Variants in IQUB observed in about 807,000 individuals in gnomAD.
IQUB encodes the protein IQ motif and ubiquitin domain containing.
Under a neutral mutation model 86.4 loss-of-function variants are expected in IQUB, and 86 were observed. The observed-to-expected ratio is 1.00, with a 90% CI of 0.84 to 1.19. IQUB has a LOEUF of 1.19. Ranked by LOEUF, IQUB falls within the 50% of genes most tolerant of loss-of-function variation. The pLI is 0.00. For synonymous variants in IQUB, 289 were observed against 304.5 expected (o/e 0.95, Z 0.53); for missense variants, 946 against 916.9 (o/e 1.03, Z -0.41).
At chr7:123,507,167 A>C (rs780954247) in intron 3 of IQUB, among the ~76,000 whole-genome samples, 167 of 152,342 alleles carry the variant, frequency 1.1e-3, no homozygotes, top group Non-Finnish European at 1.8e-3. Flanking sequence ...TACAATGATA[A>C]TGGCTCAACT....
chr7:123,461,773 C>T (rs989371041), intron 10 of IQUB, among the ~76,000 whole-genome samples, 168 bp from the exon 11 acceptor site: 12 of 151,340 alleles, frequency 7.9e-5, no homozygotes, highest in African/African-American at 2.7e-4. Context: ...ACTTCTTATC[C>T]TACAGAAAAT....
At chr7:123,471,662 A>G (rs1383095394) in intron 8 of IQUB, among the ~76,000 whole-genome samples, 1 of 152,188 alleles carries the variant, frequency 6.6e-6, no homozygotes, top group Non-Finnish European at 1.5e-5. Flanking sequence ...TAACAAATAT[A>G]GCATAATGTG....
chr7:123,502,275 C>T (rs770756785), intron 6 of IQUB: 8 of 264,154 alleles, frequency 3.0e-5, no homozygotes, highest in South Asian at 6.6e-5. Context: ...CAATTAGTCT[C>T]GAAAGTTCCC....
chr7:123,525,301 G>A (rs1252381385), intron 1 of IQUB, among the ~76,000 whole-genome samples: 1 of 152,018 alleles, frequency 6.6e-6, no homozygotes, highest in African/African-American at 2.4e-5. Context: ...TGTACCTCTG[G>A]TAGAATTCGG....
At chr7:123,512,429 T>C (rs891661251) in intron 1 of IQUB, 85 bp from the exon 2 acceptor site, 8 of 696,142 alleles carry the variant, frequency 1.1e-5, no homozygotes, top group Non-Finnish European at 1.5e-5. Flanking sequence ...TAGAGTAACA[T>C]TCATAATATT....
rs1252145902 is a variant in IQUB, at chr7:123,457,390, A to G, written c.2184T>C (p.Ser728=). ...AATTCAACTTTCTTACCTCTTCAATACTTGTTAGCTTGAGATGAGCAGCTG... is the reference window on the plus strand; with the variant it reads ...AATTCAACTTTCTTACCTCTTCAATGCTTGTTAGCTTGAGATGAGCAGCTG... ...DEAAAHLKLT[S]IEEGYERSFI... Residue 728 remains serine, a synonymous_variant, in exon 12 of 13, where the codon AGT becomes AGC. Transcript: ENST00000324698. 1 of 1,611,032 alleles carries G rather than the reference A, an allele frequency of 6.2e-7. No individual in the cohort carries two copies. The highest frequency in any genetic ancestry group is 1.7e-5 in the Admixed American group (1 of 59,422).
chr7:123,470,093 G>T (rs1794454395), intron 8 of IQUB, among the ~76,000 whole-genome samples: 1 of 152,134 alleles, frequency 6.6e-6, no homozygotes, highest in Non-Finnish European at 1.5e-5. Flanking sequence ...GGACTCCCAG[G>T]CTAAGAATTC....
chr7:123,530,672 ATTTTTT>A (rs377272603), intron 1 of IQUB, among the ~76,000 whole-genome samples: 5 of 99,460 alleles, frequency 5.0e-5, no homozygotes, highest in Middle Eastern at 7.1e-3. Flanking sequence ...TTGCTCTTTG[ATTTTTT>A]TTTTTTTTTT....
intron 1 of IQUB, among the ~76,000 whole-genome samples, chr7:123,528,921 A>T (rs959717114): frequency 6.6e-6 from 1 of 152,238 alleles, no homozygotes; most frequent in African/African-American, 2.4e-5. Flanking sequence ...ACATATGTGT[A>T]AACTCTCACT....
chr7:123,486,449 A>G (rs1795215253), intron 7 of IQUB, among the ~76,000 whole-genome samples: 1 of 152,180 alleles, frequency 6.6e-6, no homozygotes, highest in Non-Finnish European at 1.5e-5. Flanking sequence ...TTATTTTTCT[A>G]TTAAAGAAAT....
At chr7:123,504,374 C>T (rs191934056) in intron 3 of IQUB, among the ~76,000 whole-genome samples, 6 of 152,080 alleles carry the variant, frequency 3.9e-5, no homozygotes, top group East Asian at 1.9e-4. Context: ...TACTTAAACC[C>T]GGGAGGAAGA....
At chr7:123,462,979 A>G (rs1282482386) in intron 10 of IQUB, 3 of 323,472 alleles carry the variant, frequency 9.3e-6, no homozygotes, top group Non-Finnish European at 1.9e-5. Context: ...GTTCCTTCAA[A>G]TTCTTCTCCC....
intron 3 of IQUB, among the ~76,000 whole-genome samples, chr7:123,505,996 T>A (rs1199238868): frequency 6.6e-6 from 1 of 152,194 alleles, no homozygotes; most frequent in African/African-American, 2.4e-5. Flanking sequence ...TTGAATGCTT[T>A]GCTGTTTAGA....
chr7:123,533,943 T>C (rs1432201979), intron 1 of IQUB, among the ~76,000 whole-genome samples: 5 of 152,232 alleles, frequency 3.3e-5, no homozygotes, highest in Non-Finnish European at 7.3e-5. Flanking sequence ...CTACATTTCA[T>C]TCCCTACCAT....
At position 123,525,030 on chromosome 7, in the gene IQUB, C is replaced by T. The variant is rs1429899067; in HGVS notation, c.-5+9462G>A. On this transcript the variant is annotated intron_variant, in intron 1 of 12. Coordinates refer to ENST00000324698, the MANE Select transcript of IQUB (RefSeq NM_178827.5). Reference sequence around the variant, plus strand: ...ATTGATTTGCGTATATTGAACCAGGCTTGTATCCCAGGGATGAAGCCCACT... The same window carrying T: ...ATTGATTTGCGTATATTGAACCAGGTTTGTATCCCAGGGATGAAGCCCACT... 2.6e-5 allele frequency among the ~76,000 whole-genome samples: 4 copies of T among 152,204 alleles called. No individual in the cohort carries two copies. The East Asian group carries it at 7.7e-4, about 29-fold the overall frequency.
In IQUB at chr7:123,498,819, G is replaced by C. The variant is rs562833252; in HGVS notation, c.1024-1913C>G. Among the ~76,000 whole-genome samples, 20 of 152,218 alleles carry C rather than the reference G, an allele frequency of 1.3e-4. No homozygotes were observed. In the East Asian group the frequency reaches 1.4e-3, roughly 10 times the overall value. On this transcript the variant is annotated intron_variant, in intron 6 of 12. Transcript: ENST00000324698. ...TCGCTGTCCAGATCTTAGTTATATG[G>C]CCTCACTGATACACAAGGGAAGTGA...
chr7:123,463,209 T>C (rs531224695), intron 10 of IQUB, among the ~76,000 whole-genome samples: 35 of 151,832 alleles, frequency 2.3e-4, no homozygotes, highest in South Asian at 1.7e-3. Flanking sequence ...CATGGTGCAG[T>C]CAGTTTGGAA....
chr7:123,493,731 A>ATGTGTGTGTGTGTGTGTGTGTGTG (rs71161484), intron 7 of IQUB, among the ~76,000 whole-genome samples: 1 of 112,564 alleles, frequency 8.9e-6, no homozygotes, highest in African/African-American at 3.1e-5. Flanking sequence ...ATGTGTGTGT[A>ATGTGTGTGTGTGTGTGTGTGTGTG]TGTGTGTGTG....
At chr7:123,521,845 T>C (rs1360908635) in intron 1 of IQUB, among the ~76,000 whole-genome samples, 1 of 152,164 alleles carries the variant, frequency 6.6e-6, no homozygotes, top group Non-Finnish European at 1.5e-5. Context: ...TGGTTAGCAG[T>C]GATAAGCATT....
Sources: gnomAD v4.1 joint callset for allele counts (sites outside exome capture counted in the v4.1 genomes callset) on GRCh38, gnomAD v4.1.1 for gene constraint, MANE v1.5 for transcripts, NCBI Gene and HGNC (gene_info 2026-07-23, HGNC 2026-07-21) for gene names.